ZC3H12B: variants seen among roughly 807,000 people sequenced by gnomAD.
ZC3H12B encodes probable ribonuclease ZC3H12B.
ZC3H12B carries 7 observed loss-of-function variants against 43.9 expected under a neutral mutation model. The ratio of observed to expected loss-of-function variants is 0.16; its 90% CI spans 0.09 to 0.30. The LOEUF (loss-of-function observed/expected upper bound fraction) is 0.30. Ranked by LOEUF, ZC3H12B falls within the 10% of genes least tolerant of loss-of-function variation. ZC3H12B has a pLI of 1.00. For synonymous variants in ZC3H12B, 222 were observed against 241.7 expected, an observed-to-expected ratio of 0.92 and a Z score of 0.76; for missense variants, 475 against 670.2, an observed-to-expected ratio of 0.71 and a Z score of 3.22.
exon 5 of ZC3H12B, chrX:65,502,778 C>T (rs1023452277): frequency 1.7e-6 from 2 of 1,209,210 alleles, no homozygotes; most frequent in South Asian, 1.8e-5. Flanking sequence ...CCAGCCAGGC[C>T]GTGCCCTGGT....
the ZC3H12B span, among the ~76,000 whole-genome samples, chrX:65,181,349 G>A: frequency 4.5e-5 from 5 of 111,607 alleles, no homozygotes; most frequent in Middle Eastern, 4.6e-3. Context: ...AATGTGCAAA[G>A]ACTTCATGAC....
At chrX:65,407,404 G>A (rs1285004779) in intron 3 of ZC3H12B, among the ~76,000 whole-genome samples, 2 of 112,869 alleles carry the variant, frequency 1.8e-5, no homozygotes, top group Admixed American at 9.2e-5. Flanking sequence ...CGCGCCCTCC[G>A]CACTTTCCCC....
chrX:65,431,808 C>T (rs1290015396), intron 3 of ZC3H12B, among the ~76,000 whole-genome samples: 1 of 112,166 alleles, frequency 8.9e-6, no homozygotes, highest in Non-Finnish European at 1.9e-5. Context: ...TGTAATCACA[C>T]GTCTGGCCAT....
intron 3 of ZC3H12B, among the ~76,000 whole-genome samples, chrX:65,474,666 A>T (rs1292389459): frequency 9.2e-6 from 1 of 109,232 alleles, no homozygotes; most frequent in Non-Finnish European, 1.9e-5. Flanking sequence ...GCTGGAGTGC[A>T]GTGGCACAAT....
At chrX:65,299,977 G>A in the ZC3H12B span, among the ~76,000 whole-genome samples, 1 of 112,364 alleles carries the variant, frequency 8.9e-6, no homozygotes, top group East Asian at 2.8e-4. Context: ...AGGAGTAGAG[G>A]GAAGCAGCAG....
the ZC3H12B span, among the ~76,000 whole-genome samples, chrX:65,069,267 AC>A: frequency 2.1e-5 from 2 of 95,971 alleles, no homozygotes; most frequent in African/African-American, 7.8e-5. Context: ...TGTTAGATTT[AC>A]CCCTTTGAGG....
At chrX:65,276,518 G>A in the ZC3H12B span, among the ~76,000 whole-genome samples, 2 of 111,437 alleles carry the variant, frequency 1.8e-5, no homozygotes, top group Non-Finnish European at 3.8e-5. Flanking sequence ...AAACTTTACA[G>A]GCCAGGATAA....
the ZC3H12B span, among the ~76,000 whole-genome samples, chrX:65,161,619 C>G: frequency 9.0e-6 from 1 of 111,548 alleles, no homozygotes; most frequent in East Asian, 2.8e-4. Context: ...TGCTTGGTAG[C>G]TCTTCCTGCA....
At chrX:65,506,381 A>C (rs2068425612) in exon 5 of ZC3H12B, 1 of 112,230 alleles carries the variant, frequency 8.9e-6, no homozygotes, top group African/African-American at 3.2e-5. Context: ...TTTTCTTTAT[A>C]TTGAGGTCTA....
the ZC3H12B span, among the ~76,000 whole-genome samples, chrX:65,163,299 G>A: frequency 3.6e-5 from 4 of 111,374 alleles, no homozygotes; most frequent in Admixed American, 9.6e-5. Context: ...TGTCTTCAAC[G>A]CTGTCAGACA....
chrX:65,495,372 G>A (rs751251953), intron 1 of ZC3H12B, among the ~76,000 whole-genome samples: 1 of 111,577 alleles, frequency 9.0e-6, no homozygotes, highest in African/African-American at 3.3e-5. Context: ...ATGAGGCCCC[G>A]GATATTATAT....
the ZC3H12B span, among the ~76,000 whole-genome samples, chrX:65,233,616 T>C: frequency 1.8e-5 from 2 of 109,862 alleles, no homozygotes; most frequent in Middle Eastern, 4.3e-3. Context: ...AAGACGGACA[T>C]TTATAACAAT....
chrX:65,145,904 T>A, the ZC3H12B span, among the ~76,000 whole-genome samples: 1 of 111,206 alleles, frequency 9.0e-6, no homozygotes, highest in African/African-American at 3.3e-5. Flanking sequence ...TTTTGTCCCA[T>A]AGCTCTTAGG....
chrX:65,277,236 A>C, the ZC3H12B span, among the ~76,000 whole-genome samples: 2 of 111,873 alleles, frequency 1.8e-5, no homozygotes, highest in Admixed American at 1.9e-4. Context: ...ACTAAATCTA[A>C]AGAGAGAGAT....
At chrX:65,315,110 A>G in the ZC3H12B span, among the ~76,000 whole-genome samples, 4 of 111,438 alleles carry the variant, frequency 3.6e-5, no homozygotes, top group Admixed American at 3.8e-4. Context: ...AAACATAAAT[A>G]TAATAAATGG....
chrX:65,490,585 G>A (rs1445390100), intron 1 of ZC3H12B, among the ~76,000 whole-genome samples: 1 of 110,796 alleles, frequency 9.0e-6, no homozygotes, highest in East Asian at 2.8e-4. Flanking sequence ...CAGCAGCAGT[G>A]GGAGACTCAC....
chrX:65,328,252 T>G, the ZC3H12B span: 3 of 253,543 alleles, frequency 1.2e-5, no homozygotes, highest in Admixed American at 1.4e-4. Context: ...CTCTCAAATT[T>G]GTAGGGTAGG....
the ZC3H12B span, among the ~76,000 whole-genome samples, chrX:65,182,356 C>T: frequency 9.0e-6 from 1 of 111,065 alleles, no homozygotes; most frequent in Non-Finnish European, 1.9e-5. Flanking sequence ...CACCATAGCA[C>T]ATGTTTACCT....
the ZC3H12B span, among the ~76,000 whole-genome samples, chrX:65,182,769 A>G: frequency 3.5e-3 from 389 of 111,624 alleles, 3 homozygotes; most frequent in African/African-American, 0.012. Flanking sequence ...AATGACGTGG[A>G]CAGACACATT....
Sources: gnomAD v4.1 joint callset for allele counts (sites outside exome capture counted in the v4.1 genomes callset) on GRCh38, gnomAD v4.1.1 for gene constraint, MANE v1.5 for transcripts, NCBI Gene and HGNC (gene_info 2026-07-23, HGNC 2026-07-21) for gene names.